TMEM132D: variants seen among roughly 807,000 people sequenced by gnomAD.
TMEM132D encodes the protein mature OL transmembrane protein.
A neutral mutation model predicts 62.3 loss-of-function variants in TMEM132D; 21 were observed. The observed-to-expected ratio is 0.34, with a 90% CI of 0.24 to 0.49. The LOEUF is 0.49. Ranked by LOEUF, TMEM132D falls within the 20% of genes least tolerant of loss-of-function variation. The pLI is 0.99. For synonymous variants in TMEM132D, 621 were observed against 575.6 expected (o/e 1.08, Z -1.13); for missense variants, 1,346 against 1,402.8 (o/e 0.96, Z 0.65).
At chr12:129,160,938 C>G (rs1240663287) in intron 5 of TMEM132D, among the ~76,000 whole-genome samples, 1 of 152,118 alleles carries the variant, frequency 6.6e-6, no homozygotes. Context: ...TTTAGATGAA[C>G]TGAGTTGAGA....
At chr12:129,517,341 G>C (rs941957297) in intron 3 of TMEM132D, among the ~76,000 whole-genome samples, 4 of 152,046 alleles carry the variant, frequency 2.6e-5, no homozygotes, top group African/African-American at 9.7e-5. Context: ...TGAAGAAGCT[G>C]GTACATATTT....
At chr12:129,541,010 T>TA (rs1876568948) in intron 2 of TMEM132D, among the ~76,000 whole-genome samples, 1 of 152,196 alleles carries the variant, frequency 6.6e-6, no homozygotes. Context: ...AGAAGAAACA[T>TA]ACGTTTTCTA....
intron 4 of TMEM132D, among the ~76,000 whole-genome samples, chr12:129,246,975 T>C (rs560526967): frequency 1.3e-5 from 2 of 152,332 alleles, no homozygotes; most frequent in East Asian, 3.9e-4. Flanking sequence ...CAGTCATTTA[T>C]TTTCTGTTCA....
intron 5 of TMEM132D, among the ~76,000 whole-genome samples, chr12:129,163,746 C>T (rs1032340860): frequency 5.3e-5 from 8 of 152,358 alleles, no homozygotes; most frequent in Middle Eastern, 3.4e-3. Context: ...TTCCCCATCC[C>T]GGCATATCCT....
chr12:129,650,666 G>A (rs1410999313), intron 2 of TMEM132D, among the ~76,000 whole-genome samples: 1 of 152,130 alleles, frequency 6.6e-6, no homozygotes, highest in African/African-American at 2.4e-5. Context: ...GTGTGAAATG[G>A]TACTTTGGCG....
At chr12:129,616,295 TG>T (rs1042512674) in intron 2 of TMEM132D, among the ~76,000 whole-genome samples, 3 of 152,170 alleles carry the variant, frequency 2.0e-5, no homozygotes, top group African/African-American at 7.2e-5. Context: ...TTTGCTTACA[TG>T]AAACCCAAGG....
intron 5 of TMEM132D, among the ~76,000 whole-genome samples, chr12:129,114,822 G>T (rs545860192): frequency 6.6e-6 from 1 of 152,332 alleles, no homozygotes; most frequent in South Asian, 2.1e-4. Context: ...GAATGTTTGT[G>T]AGATTGGTCG....
At chr12:129,727,491 T>C (rs1869078808) in intron 1 of TMEM132D, among the ~76,000 whole-genome samples, 1 of 152,190 alleles carries the variant, frequency 6.6e-6, no homozygotes, top group South Asian at 2.1e-4. Context: ...CTTAATGCTG[T>C]CACAAAATTC....
chr12:129,336,526 C>T (rs746701094), intron 4 of TMEM132D, among the ~76,000 whole-genome samples: 12 of 151,668 alleles, frequency 7.9e-5, no homozygotes, highest in African/African-American at 1.2e-4. Context: ...GAGCCAAGAT[C>T]GCACCACCGC....
intron 4 of TMEM132D, among the ~76,000 whole-genome samples, chr12:129,296,450 C>T (rs911966355): frequency 6.6e-6 from 1 of 152,222 alleles, no homozygotes; most frequent in Admixed American, 6.5e-5. Context: ...AGATGTTCTT[C>T]GTGCCAAATA....
chr12:129,889,390 T>A (rs896769540), intron 1 of TMEM132D, among the ~76,000 whole-genome samples: 4 of 152,158 alleles, frequency 2.6e-5, no homozygotes, highest in Non-Finnish European at 4.4e-5. Flanking sequence ...TCCTACATGG[T>A]CCTTGAACCC....
At chr12:129,624,955 C>A (rs1443177471) in intron 2 of TMEM132D, among the ~76,000 whole-genome samples, 1 of 152,236 alleles carries the variant, frequency 6.6e-6, no homozygotes, top group Non-Finnish European at 1.5e-5. Context: ...TGCAGTGATT[C>A]CCTCTGGCGA....
chr12:129,611,093 G>A (rs137903166), intron 2 of TMEM132D, among the ~76,000 whole-genome samples: 2,141 of 152,264 alleles, frequency 0.014, 23 homozygotes, highest in Non-Finnish European at 0.02. Context: ...ACGCCTGCTT[G>A]CCTCACTGCC....
In TMEM132D at chr12:129,481,520, A is replaced by T. The variant is rs78821030; in HGVS notation, c.1115+49539T>A. On this transcript the variant is annotated intron_variant, in intron 3 of 8. Transcript: ENST00000422113. ...GACAAACTAACCTATAAACAGAGAA[A>T]AATACAAAACAATTTACAGAAGAGG... Among the ~76,000 whole-genome samples the T allele has an allele frequency of 5.6e-3, 819 of 147,486 alleles. 21 individuals carry two copies. In the East Asian group the frequency reaches 0.06, roughly 11 times the overall value.
chr12:129,775,250 C>T (rs1165538008), intron 1 of TMEM132D, among the ~76,000 whole-genome samples: 1 of 152,132 alleles, frequency 6.6e-6, no homozygotes, highest in Non-Finnish European at 1.5e-5. Flanking sequence ...CCTATCCATG[C>T]CACTCCTGAT....
chr12:129,296,783 A>G (rs1436455901), intron 4 of TMEM132D, among the ~76,000 whole-genome samples: 2 of 152,148 alleles, frequency 1.3e-5, no homozygotes, highest in African/African-American at 4.8e-5. Context: ...CAGCCCCCAG[A>G]GCAGGGATTG....
chr12:129,581,191 T>G (rs138518662), intron 2 of TMEM132D, among the ~76,000 whole-genome samples: 204 of 152,336 alleles, frequency 1.3e-3, no homozygotes, highest in African/African-American at 4.5e-3. Flanking sequence ...CCACGTGATC[T>G]CTGCACAGCC....
intron 2 of TMEM132D, among the ~76,000 whole-genome samples, chr12:129,551,651 T>G (rs1876902520): frequency 6.6e-6 from 1 of 152,222 alleles, no homozygotes; most frequent in African/African-American, 2.4e-5. Flanking sequence ...TTCTTCCATC[T>G]GTGCCAGCTC....
intron 1 of TMEM132D, among the ~76,000 whole-genome samples, chr12:129,781,433 T>C (rs938026509): frequency 5.3e-5 from 8 of 152,222 alleles, no homozygotes; most frequent in Admixed American, 3.9e-4. Flanking sequence ...AAAGACGTTG[T>C]ATATTATAAA....
Sources: gnomAD v4.1 joint callset for allele counts (sites outside exome capture counted in the v4.1 genomes callset) on GRCh38, gnomAD v4.1.1 for gene constraint, MANE v1.5 for transcripts, NCBI Gene and HGNC (gene_info 2026-07-23, HGNC 2026-07-21) for gene names.